The following C8A variants were observed in gnomAD, a reference collection of about 807,000 sequenced individuals.
C8A encodes the protein complement C8 alpha chain, also known as complement component C8 alpha chain.
A neutral mutation model predicts 65.3 loss-of-function variants in C8A; 67 were observed. The ratio of observed to expected loss-of-function variants is 1.03; its 90% CI spans 0.84 to 1.26. The LOEUF (loss-of-function observed/expected upper bound fraction) is 1.26. Among genes scored for constraint, C8A ranks in the 50% most tolerant of loss-of-function variants. C8A has a pLI of 0.00. For synonymous variants in C8A, 290 were observed against 259.4 expected (o/e 1.12, Z -1.13); for missense variants, 781 against 723.9 (o/e 1.08, Z -0.90).
intron 1 of C8A, among the ~76,000 whole-genome samples, chr1:56,863,115 A>G (rs75386848): frequency 0.027 from 4,134 of 152,328 alleles, 79 homozygotes; most frequent in Non-Finnish European, 0.039. Context: ...TGACCTCAAT[A>G]TGTTATGAAA....
chr1:56,869,633 A>T (rs544226292), intron 2 of C8A, among the ~76,000 whole-genome samples: 1 of 152,306 alleles, frequency 6.6e-6, no homozygotes, highest in South Asian at 2.1e-4. Flanking sequence ...TGCCACCAGT[A>T]GTGTAAAACT....
chr1:56,899,129 T>C (rs1230868357), intron 7 of C8A, among the ~76,000 whole-genome samples: 1 of 152,198 alleles, frequency 6.6e-6, no homozygotes, highest in Non-Finnish European at 1.5e-5. Context: ...ACTCCTAGTT[T>C]CTTGGCTCTG....
intron 9 of C8A, among the ~76,000 whole-genome samples, chr1:56,910,378 A>C (rs1256717859): frequency 6.6e-6 from 1 of 152,082 alleles, no homozygotes; most frequent in African/African-American, 2.4e-5. Flanking sequence ...ATACCTTTTC[A>C]AGCTCTAACG....
intron 2 of C8A, among the ~76,000 whole-genome samples, 168 bp downstream of exon 2, chr1:56,867,870 C>A (rs551335889): frequency 1.2e-3 from 187 of 152,226 alleles, no homozygotes; most frequent in African/African-American, 4.2e-3. Flanking sequence ...GTTTCCGTGT[C>A]TCCTAATTTT....
At chr1:56,912,202 C>G (rs1378433973) in intron 9 of C8A, among the ~76,000 whole-genome samples, 2 of 152,184 alleles carry the variant, frequency 1.3e-5, no homozygotes, top group African/African-American at 4.8e-5. Flanking sequence ...ACTGAGCCTC[C>G]CTTTCTTCTG....
intron 7 of C8A, among the ~76,000 whole-genome samples, chr1:56,902,349 A>T (rs1302751088): frequency 6.6e-6 from 1 of 152,002 alleles, no homozygotes; most frequent in Non-Finnish European, 1.5e-5. Flanking sequence ...GGTTTAATCC[A>T]GTTCTACTGG....
intron 7 of C8A, among the ~76,000 whole-genome samples, chr1:56,893,039 C>G (rs1644360240): frequency 6.6e-6 from 1 of 152,078 alleles, no homozygotes; most frequent in Non-Finnish European, 1.5e-5. Context: ...ATATCAAAGA[C>G]AGTAGGCCCC....
intron 7 of C8A, among the ~76,000 whole-genome samples, chr1:56,886,862 C>A (rs993693695): frequency 6.6e-6 from 1 of 152,142 alleles, no homozygotes; most frequent in East Asian, 1.9e-4. Flanking sequence ...CCTAGGAGAA[C>A]GGTGGTTCTC....
chr1:56,878,038 A>G (rs975314344), intron 4 of C8A, among the ~76,000 whole-genome samples: 22 of 152,182 alleles, frequency 1.4e-4, no homozygotes, highest in Non-Finnish European at 1.6e-4. Context: ...TGGAGACTAG[A>G]AGTCTGAAGT....
intron 1 of C8A, among the ~76,000 whole-genome samples, chr1:56,864,461 G>T (rs1469907396): frequency 6.6e-6 from 1 of 152,176 alleles, no homozygotes; most frequent in Non-Finnish European, 1.5e-5. Context: ...AAGAAAAAGT[G>T]CAGTGGGAAT....
At chr1:56,901,195 A>G (rs17114544) in intron 7 of C8A, among the ~76,000 whole-genome samples, 5,402 of 152,248 alleles carry the variant, frequency 0.035, 255 homozygotes, top group African/African-American at 0.11. Context: ...ATAGACTATT[A>G]GATTCTCTTT....
intron 2 of C8A, 87 bp from the exon 3 acceptor site, chr1:56,874,862 T>C: frequency 1.4e-6 from 2 of 1,440,870 alleles, no homozygotes; most frequent in Non-Finnish European, 1.9e-6. Context: ...AATTATTTCT[T>C]ATGTTGAGCC....
At chr1:56,917,508 G>A in intron 10 of C8A, 57 bp from the exon 11 acceptor site, 1 of 1,592,268 alleles carries the variant, frequency 6.3e-7, no homozygotes, top group Non-Finnish European at 8.6e-7. Flanking sequence ...CACCAGACAG[G>A]CCCTTCCTTC....
At chr1:56,875,888 G>A in intron 3 of C8A, among the ~76,000 whole-genome samples, 174 bp from the exon 4 acceptor site, 1 of 152,244 alleles carries the variant, frequency 6.6e-6, no homozygotes, top group African/African-American at 2.4e-5. Flanking sequence ...GCCCAAGCTG[G>A]GAGGCTGCAG....
At chr1:56,910,923 C>A (rs1226618974) in intron 9 of C8A, among the ~76,000 whole-genome samples, 1 of 152,216 alleles carries the variant, frequency 6.6e-6, no homozygotes, top group African/African-American at 2.4e-5. Flanking sequence ...CTTGGCAAAT[C>A]ACTTCCCCTT....
At chr1:56,900,794 A>G (rs1355055852) in intron 7 of C8A, among the ~76,000 whole-genome samples, 1 of 152,212 alleles carries the variant, frequency 6.6e-6, no homozygotes, top group Non-Finnish European at 1.5e-5. Context: ...GGCACATGCC[A>G]GGCTCTGTGC....
intron 1 of C8A, among the ~76,000 whole-genome samples, chr1:56,866,052 A>G (rs1644084936): frequency 6.6e-6 from 1 of 152,192 alleles, no homozygotes; most frequent in African/African-American, 2.4e-5. Flanking sequence ...AGAAATTGCC[A>G]CTTGTCAAGT....
At position 56,859,001 on chromosome 1, in the gene C8A, T is replaced by G. The variant is rs969679475; in HGVS notation, c.77+4023T>G. Among the ~76,000 whole-genome samples, 5 of 152,206 alleles carry G rather than the reference T, an allele frequency of 3.3e-5. No homozygotes were observed. In the East Asian group the frequency reaches 7.7e-4, roughly 23 times the overall value. On this transcript the variant is annotated intron_variant, in intron 1 of 10. Transcript: ENST00000361249. ...TTAGTAAGTTTATATAAAGTACTTA[T>G]AACAGAACCTGGTACATGGTAAGCC... is the stretch of plus-strand genomic sequence containing the variant.
At chr1:56,878,473 G>C (rs1340234742) in intron 4 of C8A, among the ~76,000 whole-genome samples, 1 of 152,110 alleles carries the variant, frequency 6.6e-6, no homozygotes, top group Non-Finnish European at 1.5e-5. Context: ...GATTTAACTA[G>C]AAACATTTCA....
Sources: allele counts gnomAD v4.1 joint callset (sites outside exome capture counted in the v4.1 genomes callset), GRCh38; gene constraint gnomAD v4.1.1; transcripts MANE v1.5; gene names NCBI Gene and HGNC (gene_info 2026-07-23, HGNC 2026-07-21).